Variants in ARHGAP22 observed in about 807,000 individuals in gnomAD.
The protein encoded by ARHGAP22 is Rho GTPase activating protein 22, also known as rho GTPase-activating protein 22.
In ARHGAP22, 48 loss-of-function variants were observed where a neutral mutation model predicts 59.1. The observed-to-expected ratio is 0.81, with a 90% CI of 0.64 to 1.03. The LOEUF (loss-of-function observed/expected upper bound fraction) is 1.03. Ranked by LOEUF, ARHGAP22 falls within the 50% of genes least tolerant of loss-of-function variation. ARHGAP22 has a pLI of 0.00. For synonymous variants in ARHGAP22, 445 were observed against 416.4 expected, an observed-to-expected ratio of 1.07 and a Z score of -0.84; for missense variants, 1,015 against 958.7, an observed-to-expected ratio of 1.06 and a Z score of -0.78.
chr10:48,453,266 G>GGCAGCACCCAGGGCCACCAGGT, intron 8 of ARHGAP22, 38 bp downstream of exon 8: 2 of 1,610,808 alleles, frequency 1.2e-6, no homozygotes, highest in Non-Finnish European at 1.7e-6. Context: ...CCCAGACCCC[G>GGCAGCACCCAGGGCCACCAGGT]GCAGCACCCA....
At chr10:48,616,493 A>G (rs1047279077) in intron 1 of ARHGAP22, among the ~76,000 whole-genome samples, 4 of 152,166 alleles carry the variant, frequency 2.6e-5, no homozygotes, top group Admixed American at 2.6e-4. Flanking sequence ...CACAACCTCA[A>G]TGAATCCCAC....
chr10:48,611,040 C>T (rs1052767282), intron 1 of ARHGAP22, among the ~76,000 whole-genome samples: 1 of 152,238 alleles, frequency 6.6e-6, no homozygotes, highest in Admixed American at 6.5e-5. Flanking sequence ...ATACTACTCA[C>T]CTAGGACTCT....
chr10:48,562,730 C>T (rs1343990413), intron 2 of ARHGAP22, among the ~76,000 whole-genome samples: 1 of 152,134 alleles, frequency 6.6e-6, no homozygotes, highest in Admixed American at 6.5e-5. Flanking sequence ...GTCACAGATG[C>T]ACATCTATAT....
intron 3 of ARHGAP22, among the ~76,000 whole-genome samples, chr10:48,538,766 C>G (rs2055615538): frequency 1.3e-5 from 2 of 152,178 alleles, no homozygotes; most frequent in Non-Finnish European, 2.9e-5. Context: ...ACTACGCTGC[C>G]TCCATCATGA....
intron 1 of ARHGAP22, among the ~76,000 whole-genome samples, chr10:48,632,597 T>G (rs1345554878): frequency 6.6e-6 from 1 of 152,158 alleles, no homozygotes; most frequent in Non-Finnish European, 1.5e-5. Flanking sequence ...ACCTAAGATG[T>G]GTATATTTTT....
rs2060600704 is a variant in ARHGAP22, at chr10:48,604,940, G to A, written c.-144C>T. On this transcript the variant is annotated 5_prime_UTR_variant, in exon 1 of 10. Coordinates refer to ENST00000249601, the MANE Select transcript of ARHGAP22 (RefSeq NM_021226.4). ...TGGCGTCACCCGTCAGGCTCCCTCG[G>A]CTACCTCTCCTGGCTCCGGACGGAC... 1.3e-6 allele frequency: 2 copies of A among 1,543,388 alleles called. No individual in the cohort carries two copies. Among genetic ancestry groups the A allele is most frequent in the Non-Finnish European group, 1.7e-6 (2 of 1,147,988 alleles).
chr10:48,514,687 A>G (rs1369533262), intron 3 of ARHGAP22, among the ~76,000 whole-genome samples: 1 of 152,224 alleles, frequency 6.6e-6, no homozygotes, highest in Non-Finnish European at 1.5e-5. Flanking sequence ...AATAAAAGAC[A>G]AAATAAATGT....
chr10:48,595,028 C>A (rs564223464), intron 1 of ARHGAP22, among the ~76,000 whole-genome samples: 11 of 152,246 alleles, frequency 7.2e-5, no homozygotes, highest in Non-Finnish European at 1.5e-4. Context: ...ACTGTGGCAG[C>A]CTTTGAATAG....
chr10:48,652,455 C>G (rs1459448125), exon 1 of ARHGAP22: 12 of 633,534 alleles, frequency 1.9e-5, no homozygotes. Context: ...GGATTTTAAG[C>G]AAGAAGCCTC....
intron 3 of ARHGAP22, among the ~76,000 whole-genome samples, chr10:48,554,866 G>A (rs947992119): frequency 8.5e-5 from 13 of 152,194 alleles, no homozygotes; most frequent in African/African-American, 3.1e-4. Flanking sequence ...CTCAGGCTCT[G>A]CTTCTAGGGG....
At chr10:48,545,846 C>A (rs1360488325) in intron 3 of ARHGAP22, among the ~76,000 whole-genome samples, 4 of 152,154 alleles carry the variant, frequency 2.6e-5, no homozygotes, top group Non-Finnish European at 5.9e-5. Flanking sequence ...GGAACTGGCT[C>A]CCTCTGGACA....
At chr10:48,568,526 C>T (rs1315039632) in intron 2 of ARHGAP22, among the ~76,000 whole-genome samples, 2 of 152,230 alleles carry the variant, frequency 1.3e-5, no homozygotes, top group African/African-American at 2.4e-5. Context: ...GCAGTTGAGA[C>T]AGGTATGTTC....
At chr10:48,563,578 A>G (rs749685165) in intron 2 of ARHGAP22, among the ~76,000 whole-genome samples, 1 of 152,210 alleles carries the variant, frequency 6.6e-6, no homozygotes, top group African/African-American at 2.4e-5. Flanking sequence ...GTAACATAAC[A>G]TATTCACATG....
chr10:48,635,592 G>C (rs979931964), intron 1 of ARHGAP22, among the ~76,000 whole-genome samples: 1 of 152,214 alleles, frequency 6.6e-6, no homozygotes, highest in African/African-American at 2.4e-5. Context: ...AAGGGGGCCG[G>C]GTAACCCCCA....
chr10:48,450,322 C>T lies in ARHGAP22; in HGVS notation c.1807G>A (p.Val603Ile), dbSNP rs563639788. Residue 603 changes from valine (V) to isoleucine (I), a missense_variant, in exon 9 of 10, where the codon GTC becomes ATC. Val to Ile is a conservative substitution (Grantham distance 29). Coordinates refer to ENST00000249601, the MANE Select transcript of ARHGAP22 (RefSeq NM_021226.4). ...CACAGCTCGGCCCTGAGCTCAGTGACCAGCCCCTGTAAGGCCTCGGAGCGG... is the reference window on the plus strand; with the variant it reads ...CACAGCTCGGCCCTGAGCTCAGTGATCAGCCCCTGTAAGGCCTCGGAGCGG... ...ARRSEALQGL[V>I]TELRAELCRQ... 5.0e-6 allele frequency: 8 copies of T among 1,605,758 alleles called. No homozygotes were observed. The Admixed American group carries it at 1.0e-4, about 20-fold the overall frequency.
At chr10:48,442,990 T>A (rs2045237381), downstream of ARHGAP22, among the ~76,000 whole-genome samples, 1 of 152,130 alleles carries the variant, frequency 6.6e-6, no homozygotes, top group South Asian at 2.1e-4. Flanking sequence ...AGGATGCGCA[T>A]CTGGGCAGGC....
At chr10:48,477,616 C>CTT (rs1564729734) in intron 4 of ARHGAP22, among the ~76,000 whole-genome samples, 1 of 152,240 alleles carries the variant, frequency 6.6e-6, no homozygotes, top group African/African-American at 2.4e-5. Flanking sequence ...GTTTCTATAG[C>CTT]TTTCTATCCT....
rs780524565 is a variant in ARHGAP22 at position 48,450,334 on chromosome 10, A to G, written c.1795T>C (p.Leu599=). The G allele has an allele frequency of 1.6e-5, 25 of 1,601,198 alleles. No homozygotes were observed. The highest frequency in any genetic ancestry group is 2.1e-5 in the Non-Finnish European group (25 of 1,174,490). Residue 599 remains leucine (L), a synonymous_variant, in exon 9 of 10, where the codon TTA becomes CTA. Coordinates refer to ENST00000249601, the MANE Select transcript of ARHGAP22 (RefSeq NM_021226.4). ...CTGAGCTCAGTGACCAGCCCCTGTAAGGCCTCGGAGCGGCGCGCGTGTTCC... is the reference window on the plus strand; with the variant it reads ...CTGAGCTCAGTGACCAGCCCCTGTAGGGCCTCGGAGCGGCGCGCGTGTTCC... ...TREHARRSEA[L]QGLVTELRAE...
intron 3 of ARHGAP22, among the ~76,000 whole-genome samples, chr10:48,555,202 A>G (rs10776615): frequency 0.83 from 125,948 of 152,228 alleles, 52,193 homozygotes; most frequent in East Asian, 0.92. Context: ...CCATTGACTA[A>G]TTTCTTTCCT....
Sources: gnomAD v4.1 joint callset for allele counts (sites outside exome capture counted in the v4.1 genomes callset) on GRCh38, gnomAD v4.1.1 for gene constraint, MANE v1.5 for transcripts, NCBI Gene and HGNC (gene_info 2026-07-23, HGNC 2026-07-21) for gene names.